The following PCDHGA6 variants were observed in gnomAD, a reference collection of about 807,000 sequenced individuals.
PCDHGA6 encodes protocadherin gamma subfamily A, 6, also known as protocadherin gamma-A6.
PCDHGA6 carries 41 observed loss-of-function variants against 60.6 expected under a neutral mutation model. The ratio of observed to expected loss-of-function variants is 0.68; its 90% CI spans 0.53 to 0.88. The LOEUF is 0.88. Among genes scored for constraint, PCDHGA6 ranks in the 40% least tolerant of loss-of-function variants. PCDHGA6 has a pLI of 0.00. For synonymous variants in PCDHGA6, 594 were observed against 524.4 expected (o/e 1.13, Z -1.81); for missense variants, 1,312 against 1,203.0 (o/e 1.09, Z -1.34).
chr5:141,428,341 C>T, intron 1 of PCDHGA6: 1 of 602,086 alleles, frequency 1.7e-6, no homozygotes, highest in Non-Finnish European at 3.0e-6. Flanking sequence ...GCTCTTCTTC[C>T]TCGCAGTGAT....
chr5:141,454,932 C>G (rs945154196), intron 1 of PCDHGA6, among the ~76,000 whole-genome samples: 7 of 150,770 alleles, frequency 4.6e-5, no homozygotes, highest in Non-Finnish European at 1.0e-4. Context: ...CTCAGCCTCC[C>G]GAGTAGCTGG....
intron 1 of PCDHGA6, chr5:141,430,604 A>C (rs1288378907): frequency 7.8e-6 from 5 of 641,158 alleles, no homozygotes; most frequent in Non-Finnish European, 1.2e-5. Context: ...CGCCTGAAGC[A>C]CAAAGCAGAT....
At position 141,388,709 on chromosome 5, in the gene PCDHGA6, C is replaced by G. The variant is rs370023698; in HGVS notation, c.2424+12202C>G. On this transcript the variant is annotated intron_variant, in intron 1 of 3. Coordinates refer to ENST00000517434, the MANE Select transcript of PCDHGA6 (RefSeq NM_018919.3). Reference sequence around the variant, plus strand: ...CGGACCAGGATGAGGGTGTCAATGCCGAGATTACTTTCTCTTTCAGTGAAG... The same window carrying G: ...CGGACCAGGATGAGGGTGTCAATGCGGAGATTACTTTCTCTTTCAGTGAAG... 1.4e-5 allele frequency: 22 copies of G among 1,613,938 alleles called. No individual in the cohort carries two copies. In the Admixed American group the frequency reaches 3.7e-4, roughly 27 times the overall value.
At chr5:141,417,821 A>C in intron 1 of PCDHGA6, 3 of 1,515,060 alleles carry the variant, frequency 2.0e-6, no homozygotes, top group Non-Finnish European at 1.8e-6. Context: ...ACTTTCTCCA[A>C]CTGGAAAAGC....
Position 141,373,903 on chromosome 5 carries a change from CCAA to C in PCDHGA6, c.-174_-172del, listed in dbSNP as rs1423150628. 3 of 586,252 alleles carry C rather than the reference CCAA, an allele frequency of 5.1e-6. No individual in the cohort carries two copies. In the African/African-American group the frequency reaches 5.7e-5, roughly 11 times the overall value. 36.3% of individuals were successfully genotyped at this position (586,252 alleles called of 1,614,324 possible). The stretch of plus-strand genomic sequence containing the variant: ...TCAACGGAAACTCAAGTTACATCCT[CCAA>C]CAACAAAGCAAATTAGACGGGAAAG... On this transcript the variant is annotated 5_prime_UTR_variant, in exon 1 of 4. Coordinates refer to ENST00000517434, the MANE Select transcript of PCDHGA6 (RefSeq NM_018919.3).
At chr5:141,397,546 T>C (rs576089094) in intron 1 of PCDHGA6, among the ~76,000 whole-genome samples, 2 of 152,300 alleles carry the variant, frequency 1.3e-5, no homozygotes, top group South Asian at 2.1e-4. Flanking sequence ...GAAATCAGTA[T>C]AGTATGAAGG....
chr5:141,424,750 A>T (rs2096838482), intron 1 of PCDHGA6: 1 of 152,114 alleles, frequency 6.6e-6, no homozygotes, highest in Admixed American at 6.5e-5. Context: ...CTTTCTTTAT[A>T]AGGTCATTCT....
chr5:141,463,308 A>G (rs1233755540), intron 1 of PCDHGA6, among the ~76,000 whole-genome samples: 1 of 151,660 alleles, frequency 6.6e-6, no homozygotes, highest in Admixed American at 6.6e-5. Context: ...CCAAACTCTA[A>G]TATCTATTCC....
At chr5:141,439,668 A>C (rs944454917) in intron 1 of PCDHGA6, among the ~76,000 whole-genome samples, 1 of 152,230 alleles carries the variant, frequency 6.6e-6, no homozygotes, top group Non-Finnish European at 1.5e-5. Context: ...CATGGAATGC[A>C]AATCCAAGAG....
In PCDHGA6 at chr5:141,373,996, C is replaced by A; in HGVS notation, c.-88C>A. 7.9e-7 allele frequency: 1 copy of A among 1,266,244 alleles called. No homozygotes were observed. The highest frequency in any genetic ancestry group is 2.2e-5 in the South Asian group (1 of 46,068). 78.4% of individuals were successfully genotyped at this position (1,266,244 alleles called of 1,614,324 possible). On this transcript the variant is annotated 5_prime_UTR_variant, in exon 1 of 4. Coordinates refer to ENST00000517434, the MANE Select transcript of PCDHGA6 (RefSeq NM_018919.3). ...CATCCGGTCTCTGCTTGTTGAAGGA[C>A]CTTCACCGCTATTTCTGAGAAGAGC...
rs2099811015 is a variant in PCDHGA6 at position 141,501,774 on chromosome 5, G to GTC, written c.2484-3612_2484-3611dup. ...CTCTCAGTAAATGGTTAAAAAAGAG[G>GTC]TCTCTCTCCCTCTGCTCATCTCTTA... is the stretch of plus-strand genomic sequence containing the variant. On this transcript the variant is annotated intron_variant, in intron 2 of 3. Coordinates refer to ENST00000517434, the MANE Select transcript of PCDHGA6 (RefSeq NM_018919.3). Among the ~76,000 whole-genome samples, 3 of 152,062 alleles carry GTC rather than the reference G, an allele frequency of 2.0e-5. No homozygotes were observed. In the South Asian group the frequency reaches 6.2e-4, roughly 32 times the overall value.
intron 1 of PCDHGA6, among the ~76,000 whole-genome samples, chr5:141,397,777 C>T (rs1589309887): frequency 6.6e-6 from 1 of 152,170 alleles, no homozygotes; most frequent in Non-Finnish European, 1.5e-5. Flanking sequence ...AGTATATGGA[C>T]GTAAAAACTT....
chr5:141,389,766 C>T (rs1217222336), intron 1 of PCDHGA6: 2 of 1,613,060 alleles, frequency 1.2e-6, no homozygotes, highest in East Asian at 4.5e-5. Context: ...GCGCACAGCG[C>T]GTGCCTTAGG....
intron 1 of PCDHGA6, chr5:141,389,112 C>A (rs376966829): frequency 1.5e-5 from 25 of 1,613,966 alleles, no homozygotes; most frequent in Non-Finnish European, 2.0e-5. Context: ...TGTTCTAGAC[C>A]GCGAGCAGAA....
In PCDHGA6 at chr5:141,487,680, A is replaced by G; in HGVS notation, c.2425-7127A>G. On this transcript the variant is annotated intron_variant, in intron 1 of 3. Coordinates refer to ENST00000517434, the MANE Select transcript of PCDHGA6 (RefSeq NM_018919.3). This position sits in a 1 kb window ranked among gnomAD's most constrained non-coding sequence, Gnocchi z 5.0. ...TCTGATCCAGGCATATGGCTAGGCC[A>G]TGTCCTAGAGAGTACTGGCCTCTCA... 6.2e-7 allele frequency: 1 copy of G among 1,609,370 alleles called. No individual in the cohort carries two copies. The highest frequency in any genetic ancestry group is 2.2e-5 in the East Asian group (1 of 44,826).
intron 1 of PCDHGA6, among the ~76,000 whole-genome samples, chr5:141,442,609 TA>T (rs1238913928): frequency 6.6e-6 from 1 of 152,112 alleles, no homozygotes; most frequent in African/African-American, 2.4e-5. Flanking sequence ...GAGATCTCAG[TA>T]AAAAGCATTT....
chr5:141,475,823 T>C (rs2099373850), intron 1 of PCDHGA6: 1 of 360,288 alleles, frequency 2.8e-6, no homozygotes, highest in Non-Finnish European at 5.0e-6. Context: ...TTCCTGGCGC[T>C]AGCGCGTGTC....
rs200580042 is a variant in PCDHGA6 at position 141,486,553 on chromosome 5, T to C, written c.2425-8254T>C. 5.4e-5 allele frequency: 87 copies of C among 1,614,028 alleles called. No individual in the cohort carries two copies. The highest frequency in any genetic ancestry group is 7.2e-5 in the Non-Finnish European group (85 of 1,180,046). On this transcript the variant is annotated intron_variant, in intron 1 of 3. Coordinates refer to ENST00000517434, the MANE Select transcript of PCDHGA6 (RefSeq NM_018919.3). The surrounding 1 kb of genome is among the most constrained non-coding windows in gnomAD (Gnocchi z 5.0). ...CACCCTCTTTCTTTCAGAGGTCACA[T>C]GAGGTGTTTGTTCCTGAGAACAATC...
rs760095389 is a variant in PCDHGA6, at chr5:141,486,731, A to G, written c.2425-8076A>G. On this transcript the variant is annotated intron_variant, in intron 1 of 3. Transcript: ENST00000517434. The surrounding 1 kb of genome is among the most constrained non-coding windows in gnomAD (Gnocchi z 5.0). ...CCCCCAGACAGGAGCTGTTCATGCT[A>G]CTCGATCCTTTGACTATGAGCAAAC... The G allele has an allele frequency of 6.2e-7, 1 of 1,614,060 alleles. No individual in the cohort carries two copies. Among genetic ancestry groups the G allele is most frequent in the Non-Finnish European group, 8.5e-7 (1 of 1,180,012 alleles).
Sources: allele counts gnomAD v4.1 joint callset (sites outside exome capture counted in the v4.1 genomes callset), GRCh38; gene constraint gnomAD v4.1.1; non-coding constraint Gnocchi (gnomAD v3.1); transcripts MANE v1.5; gene names NCBI Gene and HGNC (gene_info 2026-07-23, HGNC 2026-07-21).